STAB2: variants seen among roughly 807,000 people sequenced by gnomAD.
The protein encoded by STAB2 is stabilin 2.
Under a neutral mutation model 338.1 loss-of-function variants are expected in STAB2, and 288 were observed. That is an observed-to-expected ratio of 0.85 (90% CI 0.77 to 0.94). The LOEUF (loss-of-function observed/expected upper bound fraction) is 0.94. STAB2 is among the 40% of genes least tolerant of loss of function. STAB2 has a pLI of 0.00. For missense variants in STAB2, 3,141 were observed against 3,210.1 expected (o/e 0.98, Z 0.52); for synonymous variants, 1,202 against 1,193.3 (o/e 1.01, Z -0.15).
At chr12:103,617,781 T>C (rs1257508461) in intron 3 of STAB2, among the ~76,000 whole-genome samples, 2 of 152,250 alleles carry the variant, frequency 1.3e-5, no homozygotes, top group Non-Finnish European at 2.9e-5. Flanking sequence ...CTGGGGTGCA[T>C]ACCTGCCTGA....
chr12:103,733,848 T>C (rs553302981), intron 51 of STAB2, among the ~76,000 whole-genome samples: 5 of 148,222 alleles, frequency 3.4e-5, no homozygotes, highest in African/African-American at 1.3e-4. Flanking sequence ...AGCATGATCA[T>C]ATGAGAGCAG....
At position 103,631,685 on chromosome 12, in the gene STAB2, G is replaced by A. The variant is rs760524488; in HGVS notation, c.575G>A (p.Cys192Tyr). ...ECYSAYTGPKCDKPIPECAAL... is the reference protein window; with the variant it reads ...ECYSAYTGPKYDKPIPECAAL... The stretch of plus-strand genomic sequence containing the variant: ...TACTCTGCGTACACTGGCCCCAAGT[G>A]TGACAAGCGTAAGTACTGCTAGTTC... The change falls in exon 6 of 69, where the codon TGT (cysteine) becomes TAT (tyrosine). Residue 192 changes from cysteine (C) to tyrosine (Y), a missense_variant. Coordinates refer to ENST00000388887, the MANE Select transcript of STAB2 (RefSeq NM_017564.10). 10 of 1,614,202 alleles carry A rather than the reference G, an allele frequency of 6.2e-6. No homozygotes were observed. The South Asian group carries it at 1.1e-4, about 18-fold the overall frequency.
chr12:103,604,456 T>C (rs1009163291), intron 3 of STAB2, among the ~76,000 whole-genome samples: 6 of 152,062 alleles, frequency 3.9e-5, no homozygotes, highest in South Asian at 2.1e-4. Context: ...TCCTTACATG[T>C]GAGATAGTAT....
intron 39 of STAB2, 115 bp downstream of exon 39, chr12:103,708,651 A>T: frequency 1.0e-6 from 1 of 978,312 alleles, no homozygotes; most frequent in Non-Finnish European, 1.5e-6. Flanking sequence ...GGCAATAAAC[A>T]TGATTCTTTC....
At chr12:103,623,980 G>A (rs1203786502) in intron 5 of STAB2, among the ~76,000 whole-genome samples, 1 of 152,170 alleles carries the variant, frequency 6.6e-6, no homozygotes, top group Non-Finnish European at 1.5e-5. Flanking sequence ...CTAGATCCAC[G>A]TCTCCCAAAA....
chr12:103,589,842 A>G (rs1209407809), intron 1 of STAB2, among the ~76,000 whole-genome samples: 2 of 152,188 alleles, frequency 1.3e-5, no homozygotes, highest in African/African-American at 4.8e-5. Flanking sequence ...TTTGCCAGGA[A>G]ATTTGCACCT....
intron 15 of STAB2, chr12:103,657,963 C>A (rs2138757431): frequency 6.6e-6 from 1 of 152,322 alleles, no homozygotes; most frequent in South Asian, 2.1e-4. Context: ...AATGCCATGT[C>A]TTCTTCCCAG....
intron 58 of STAB2, 109 bp from the exon 59 acceptor site, chr12:103,748,854 C>A: frequency 8.7e-7 from 1 of 1,147,676 alleles, no homozygotes. Flanking sequence ...CACGCAGGGG[C>A]CCATTTACTC....
At chr12:103,710,712 G>C (rs1225664579) in intron 39 of STAB2, among the ~76,000 whole-genome samples, 2 of 152,326 alleles carry the variant, frequency 1.3e-5, no homozygotes, top group South Asian at 2.1e-4. Context: ...CAGCCCATTT[G>C]AGTCTAAATT....
chr12:103,652,328 A>G (rs1177774461), intron 11 of STAB2, among the ~76,000 whole-genome samples: 3 of 151,960 alleles, frequency 2.0e-5, no homozygotes, highest in African/African-American at 4.8e-5. Flanking sequence ...ATTGCCTCCA[A>G]CTCTCCAGGT....
intron 3 of STAB2, among the ~76,000 whole-genome samples, chr12:103,603,919 C>A (rs1220751003): frequency 6.6e-6 from 1 of 152,154 alleles, no homozygotes; most frequent in African/African-American, 2.4e-5. Context: ...TTTCAGCTTA[C>A]AAATTTTGCA....
rs939503457 is a variant in STAB2, at chr12:103,656,606, C to T, written c.1734+1025C>T. Among the ~76,000 whole-genome samples the T allele has an allele frequency of 7.2e-5, 11 of 151,884 alleles. No individual in the cohort carries two copies. The South Asian group carries it at 1.2e-3, about 17-fold the overall frequency. ...GTTGCCTGTTAGGTTTAGGAATTCA[C>T]ATAGATATATATCCCTTTTTAGAAT... On this transcript the variant is annotated intron_variant, in intron 15 of 68. Coordinates refer to ENST00000388887, the MANE Select transcript of STAB2 (RefSeq NM_017564.10).
intron 28 of STAB2, among the ~76,000 whole-genome samples, chr12:103,689,188 G>A (rs1230532914): frequency 6.6e-6 from 1 of 152,106 alleles, no homozygotes; most frequent in East Asian, 1.9e-4. Flanking sequence ...AGACGTCCAA[G>A]AATACTCAAG....
intron 31 of STAB2, among the ~76,000 whole-genome samples, chr12:103,694,187 C>A (rs1878202297): frequency 6.6e-6 from 1 of 152,140 alleles, no homozygotes; most frequent in Non-Finnish European, 1.5e-5. Flanking sequence ...CCACTTCACT[C>A]CCCATGCTGT....
At chr12:103,690,070 G>T in intron 29 of STAB2, 88 bp downstream of exon 29, 4 of 1,518,814 alleles carry the variant, frequency 2.6e-6, no homozygotes, top group Middle Eastern at 2.1e-4. Flanking sequence ...AAACCACATG[G>T]TCCTTCAAAT....
chr12:103,655,952 TA>T (rs1008100936), intron 15 of STAB2, among the ~76,000 whole-genome samples: 4 of 152,216 alleles, frequency 2.6e-5, no homozygotes, highest in African/African-American at 9.6e-5. Context: ...GAATGAAGCC[TA>T]AACTAGGCCA....
intron 22 of STAB2, 152 bp downstream of exon 22, chr12:103,670,959 T>C: frequency 1.5e-6 from 1 of 664,192 alleles, no homozygotes; most frequent in South Asian, 1.8e-5. Flanking sequence ...GTTCTCAAAC[T>C]GGAGCGTGTG....
At chr12:103,679,290 C>T (rs529282237) in intron 25 of STAB2, among the ~76,000 whole-genome samples, 2 of 152,102 alleles carry the variant, frequency 1.3e-5, no homozygotes, top group South Asian at 4.2e-4. Flanking sequence ...ATCGCTTGAA[C>T]CTGGGAGGTG....
In STAB2 at chr12:103,662,943, C is replaced by T. The variant is rs756477965; in HGVS notation, c.1967C>T (p.Ser656Phe). 1 of 1,614,084 alleles carries T rather than the reference C, an allele frequency of 6.2e-7. No homozygotes were observed. Among genetic ancestry groups the T allele is most frequent in the Non-Finnish European group, 8.5e-7 (1 of 1,180,048 alleles). ...CTGACAGGAGTTCTCATTCCTCCCTCCATTGTCCCGATTCTGCCCCATCGA... is the reference window on the plus strand; with the variant it reads ...CTGACAGGAGTTCTCATTCCTCCCTTCATTGTCCCGATTCTGCCCCATCGA... The part of the protein sequence containing the change: ...YTLTGVLIPP[S>F]IVPILPHRCD... Residue 656 changes from serine (S) to phenylalanine (F), a missense_variant, in exon 18 of 69, where the codon TCC (serine) becomes TTC (phenylalanine). Ser to Phe is a radical substitution (Grantham distance 155). Coordinates refer to ENST00000388887, the MANE Select transcript of STAB2 (RefSeq NM_017564.10).
Sources: allele counts gnomAD v4.1 joint callset (sites outside exome capture counted in the v4.1 genomes callset), GRCh38; gene constraint gnomAD v4.1.1; transcripts MANE v1.5; gene names NCBI Gene and HGNC (gene_info 2026-07-23, HGNC 2026-07-21).